SEZ6L: variants seen among roughly 807,000 people sequenced by gnomAD.
The protein encoded by SEZ6L is seizure related 6 homolog like, also known as seizure 6-like protein.
Under a neutral mutation model 106.2 loss-of-function variants are expected in SEZ6L, and 37 were observed. The ratio of observed to expected loss-of-function variants is 0.35; its 90% CI spans 0.27 to 0.46. The LOEUF is 0.46. Among genes scored for constraint, SEZ6L ranks in the 20% least tolerant of loss-of-function variants. SEZ6L has a pLI of 1.00. For missense variants in SEZ6L, 1,172 were observed against 1,332.8 expected (o/e 0.88, Z 1.88); for synonymous variants, 541 against 570.4 (o/e 0.95, Z 0.73).
chr22:26,288,707 C>T (rs1213423032), intron 1 of SEZ6L, among the ~76,000 whole-genome samples: 1 of 152,212 alleles, frequency 6.6e-6, no homozygotes, highest in East Asian at 1.9e-4. Context: ...ATGCAAAGCC[C>T]TCTTCATTAC....
In SEZ6L at chr22:26,319,360, TCATAG is replaced by T. The variant is rs139601792; in HGVS notation, c.2015+5461_2015+5465del. On this transcript the variant is annotated intron_variant, in intron 9 of 16. Coordinates refer to ENST00000248933, the MANE Select transcript of SEZ6L (RefSeq NM_021115.5). ...CTCAGTGATCCTGTTACAACCGAAG[TCATAG>T]CACCCATGCTCTGCTCAAAGTTCTG... Among the ~76,000 whole-genome samples the T allele has an allele frequency of 2.4e-3, 371 of 152,330 alleles. 10 individuals are homozygous for T. In the East Asian group the frequency reaches 0.059, roughly 24 times the overall value.
chr22:26,315,769 C>A (rs1236378432), intron 9 of SEZ6L, among the ~76,000 whole-genome samples: 1 of 152,112 alleles, frequency 6.6e-6, no homozygotes, highest in Non-Finnish European at 1.5e-5. Flanking sequence ...CAATAAAGCT[C>A]ATCCTCATCT....
Position 26,292,808 on chromosome 22 carries a change from C to T in SEZ6L, c.497C>T (p.Pro166Leu). 1.2e-6 allele frequency: 2 copies of T among 1,614,006 alleles called. No homozygotes were observed. The highest frequency in any genetic ancestry group is 1.1e-5 in the South Asian group (1 of 91,066). ...LLSSSTEKPG[P>L]PGDPDPIVAS... ...TCCTCCTCCACGGAGAAGCCTGGCCCACCGGGGGACCCGGACCCCATCGTG... is the reference window on the plus strand; with the variant it reads ...TCCTCCTCCACGGAGAAGCCTGGCCTACCGGGGGACCCGGACCCCATCGTG... Residue 166 changes from proline (P) to leucine (L), a missense_variant, in exon 2 of 17, where the codon CCA (proline) becomes CTA (leucine). Physicochemically the swap from Pro to Leu is moderately conservative, Grantham distance 98. This residue lies in a region of SEZ6L where 494 missense variants were observed against 445.8 expected (regional missense o/e 1.11). Transcript: ENST00000248933.
At chr22:26,193,514 G>C (rs867292132) in intron 1 of SEZ6L, among the ~76,000 whole-genome samples, 1 of 152,012 alleles carries the variant, frequency 6.6e-6, no homozygotes, top group Admixed American at 6.6e-5. Flanking sequence ...AAATGAGAAC[G>C]GTATGCTTTT....
rs2084475210 is a variant in SEZ6L at position 26,383,590 on chromosome 22, A to G, written c.*3295A>G. The G allele has an allele frequency of 1.3e-5, 2 of 152,234 alleles. No individual in the cohort carries two copies. Among genetic ancestry groups the G allele is most frequent in the Admixed American group, 1.3e-4 (2 of 15,280 alleles). The allele number at this position is 152,234 out of a possible 1,614,324, so 9.4% of individuals were successfully genotyped here. On this transcript the variant is annotated 3_prime_UTR_variant, in exon 17 of 17. Transcript: ENST00000248933. ...TATATTGATGCTAATAAAACAGATG[A>G]AAAAGACTCAAGTGTGTAGAATTTT...
intron 1 of SEZ6L, among the ~76,000 whole-genome samples, chr22:26,259,897 G>A (rs906447730): frequency 6.6e-6 from 1 of 152,140 alleles, no homozygotes; most frequent in African/African-American, 2.4e-5. Flanking sequence ...ATTTAGGTGT[G>A]ACTATATAGG....
intron 5 of SEZ6L, among the ~76,000 whole-genome samples, chr22:26,303,469 C>G (rs2081515425): frequency 6.6e-6 from 1 of 152,170 alleles, no homozygotes; most frequent in Admixed American, 6.5e-5. Context: ...ATGCCATATA[C>G]CTTTCTGGAT....
intron 1 of SEZ6L, among the ~76,000 whole-genome samples, chr22:26,274,007 GC>G (rs2080457442): frequency 6.6e-6 from 1 of 152,070 alleles, no homozygotes; most frequent in Non-Finnish European, 1.5e-5. Flanking sequence ...CTCAGCCATG[GC>G]CCCAAAAGAG....
intron 1 of SEZ6L, among the ~76,000 whole-genome samples, chr22:26,262,863 T>A (rs1175740198): frequency 6.6e-6 from 1 of 152,172 alleles, no homozygotes; most frequent in Non-Finnish European, 1.5e-5. Flanking sequence ...ATCACAAGGG[T>A]GACGAAATGG....
At chr22:26,177,044 T>A (rs1201233003) in intron 1 of SEZ6L, among the ~76,000 whole-genome samples, 1 of 152,234 alleles carries the variant, frequency 6.6e-6, no homozygotes, top group Non-Finnish European at 1.5e-5. Context: ...CTGTATCTAA[T>A]CAGGTATAAA....
At position 26,246,637 on chromosome 22, in the gene SEZ6L, C is replaced by T. The variant is rs556466772; in HGVS notation, c.95-45769C>T. Reference sequence around the variant, plus strand: ...TCAAACCCACTCGTGCTCCTCCTTACAATGCAGTCGATTAATCCCACAACA... The same window carrying T: ...TCAAACCCACTCGTGCTCCTCCTTATAATGCAGTCGATTAATCCCACAACA... On this transcript the variant is annotated intron_variant, in intron 1 of 16. Transcript: ENST00000248933. Among the ~76,000 whole-genome samples, 222 of 152,248 alleles carry T rather than the reference C, an allele frequency of 1.5e-3. 1 individual carries two copies. The highest frequency in any genetic ancestry group is 5.2e-3 in the African/African-American group (218 of 41,538).
chr22:26,374,498 G>A (rs777002858), intron 14 of SEZ6L, among the ~76,000 whole-genome samples: 34 of 152,276 alleles, frequency 2.2e-4, no homozygotes, highest in Middle Eastern at 3.4e-3. Flanking sequence ...AGGGCACTTC[G>A]TGTTAGTCTC....
At position 26,292,695 on chromosome 22, in the gene SEZ6L, C is replaced by T; in HGVS notation, c.384C>T (p.Ala128=). 6.2e-7 allele frequency: 1 copy of T among 1,613,674 alleles called. No homozygotes were observed. Among genetic ancestry groups the T allele is most frequent in the Non-Finnish European group, 8.5e-7 (1 of 1,179,938 alleles). Reference sequence around the variant, plus strand: ...CTTCGCTCAAGCAGGTGAACTCTGCCAGGAAGCAGCTGAGGCCCAAGGCCA... The same window carrying T: ...CTTCGCTCAAGCAGGTGAACTCTGCTAGGAAGCAGCTGAGGCCCAAGGCCA... ...KLPSLKQVNS[A]RKQLRPKATS... The change falls in exon 2 of 17, where the codon GCC becomes GCT. Residue 128 remains alanine (A), a synonymous_variant. Transcript: ENST00000248933.
chr22:26,221,740 GCACACACACACACA>G lies in SEZ6L; in HGVS notation c.94+51997_94+52010del, dbSNP rs3222745. On this transcript the variant is annotated intron_variant, in intron 1 of 16. Coordinates refer to ENST00000248933, the MANE Select transcript of SEZ6L (RefSeq NM_021115.5). ...TGAATTCATGCGCGTGCACACGCGT[GCACACACACACACA>G]CACACACACACACACACACTCCCTA... Among the ~76,000 whole-genome samples, 647 of 149,398 alleles carry G rather than the reference GCACACACACACACA, an allele frequency of 4.3e-3. 5 individuals carry two copies. The highest frequency in any genetic ancestry group is 0.015 in the African/African-American group (603 of 40,640).
intron 12 of SEZ6L, among the ~76,000 whole-genome samples, chr22:26,352,702 G>A (rs2146026630): frequency 6.6e-6 from 1 of 152,350 alleles, no homozygotes; most frequent in South Asian, 2.1e-4. Context: ...GATACTTACT[G>A]AGCACTTACT....
intron 1 of SEZ6L, among the ~76,000 whole-genome samples, chr22:26,177,898 C>A (rs542314960): frequency 5.9e-5 from 9 of 152,266 alleles, no homozygotes; most frequent in African/African-American, 2.2e-4. Flanking sequence ...AGGAAAGAGA[C>A]CCAGAGACAA....
Position 26,304,999 on chromosome 22 carries a change from C to T in SEZ6L, c.1349-980C>T, listed in dbSNP as rs534257366. ...TACATACCCAGGCTATATGGTACAGCCTATTGCTTCTCCGCTACAAACCTG... is the reference window on the plus strand; with the variant it reads ...TACATACCCAGGCTATATGGTACAGTCTATTGCTTCTCCGCTACAAACCTG... On this transcript the variant is annotated intron_variant, in intron 5 of 16. Transcript: ENST00000248933. Among the ~76,000 whole-genome samples the T allele has an allele frequency of 1.8e-3, 280 of 152,278 alleles. 2 individuals carry two copies. Among genetic ancestry groups the T allele is most frequent in the African/African-American group, 6.4e-3 (267 of 41,556 alleles).
In SEZ6L at chr22:26,382,817, A is replaced by T. The variant is rs1199426608; in HGVS notation, c.*2522A>T. The stretch of plus-strand genomic sequence containing the variant: ...CTGTTTTTATAAGATCAATATTAAA[A>T]CCCATTGGGATTAAATATTTTTGAA... On this transcript the variant is annotated 3_prime_UTR_variant, in exon 17 of 17. Transcript: ENST00000248933. 1 of 152,112 alleles carries T rather than the reference A, an allele frequency of 6.6e-6. No homozygotes were observed. The highest frequency in any genetic ancestry group is 2.4e-5 in the African/African-American group (1 of 41,424). 9.4% of individuals were successfully genotyped at this position (152,112 alleles called of 1,614,324 possible). A position where few individuals can be genotyped will look rare whatever the true frequency, so the allele number is the denominator to read the frequency against.
At chr22:26,277,596 C>T (rs1356884517) in intron 1 of SEZ6L, among the ~76,000 whole-genome samples, 1 of 152,182 alleles carries the variant, frequency 6.6e-6, no homozygotes, top group Non-Finnish European at 1.5e-5. Context: ...ATTAATTTTA[C>T]CAAGGATTAA....
Sources: gnomAD v4.1 joint callset for allele counts (sites outside exome capture counted in the v4.1 genomes callset) on GRCh38, gnomAD v4.1.1 for gene constraint, gnomAD v4.1.1 regional missense constraint, MANE v1.5 for transcripts, NCBI Gene and HGNC (gene_info 2026-07-23, HGNC 2026-07-21) for gene names.